Variants in ABCA7 observed in about 807,000 individuals in gnomAD.
ABCA7 encodes the protein phospholipid-transporting ATPase ABCA7.
A neutral mutation model predicts 227.6 loss-of-function variants in ABCA7; 261 were observed. That is an observed-to-expected ratio of 1.15 (90% CI 1.04 to 1.27). ABCA7 has a LOEUF of 1.27. Ranked by LOEUF, ABCA7 falls within the 50% of genes most tolerant of loss-of-function variation. The pLI is 0.00. For synonymous variants in ABCA7, 1,488 were observed against 1,279.7 expected, an observed-to-expected ratio of 1.16 and a Z score of -3.47; for missense variants, 3,331 against 2,924.5, an observed-to-expected ratio of 1.14 and a Z score of -3.21.
At chr19:1,065,209 C>T in intron 46 of ABCA7, 38 bp downstream of exon 46, 3 of 1,598,402 alleles carry the variant, frequency 1.9e-6, no homozygotes, top group Non-Finnish European at 2.6e-6. Context: ...GGGAGGCAGG[C>T]TGGGGGCCAG....
rs1484459227 is a variant in ABCA7 at position 1,042,743 on chromosome 19, C to T, written c.499-3C>T. 1.9e-6 allele frequency: 3 copies of T among 1,613,540 alleles called. No individual in the cohort carries two copies. The highest frequency in any genetic ancestry group is 2.5e-6 in the Non-Finnish European group (3 of 1,179,926). ...TTGTCCCCCTTGTGGTCTTTCTCCC[C>T]AGGAATCCCTGGGGTTGGCACTGGG... On this transcript the variant is annotated splice_region_variant and splice_polypyrimidine_tract_variant and intron_variant, in intron 6 of 46. Transcript: ENST00000263094.
At chr19:1,048,636 C>T (rs561445923) in intron 16 of ABCA7, among the ~76,000 whole-genome samples, 1 of 151,736 alleles carries the variant, frequency 6.6e-6, no homozygotes, top group South Asian at 2.1e-4. Flanking sequence ...GGTGAAACCC[C>T]GTCTCTCCCA....
rs200578438 is a variant in ABCA7, at chr19:1,041,964, C to T, written c.294C>T (p.Asn98=). ...GEEPGRLSNF[N]DSLVSRLLAD... is the part of the protein sequence containing the mutation. ...AGCCCGGGCGCCTGAGCAACTTCAACGACTCCCTGTGAGCCAGAGGCAGTG... is the reference window on the plus strand; with the variant it reads ...AGCCCGGGCGCCTGAGCAACTTCAATGACTCCCTGTGAGCCAGAGGCAGTG... The change falls in exon 4 of 47, where the codon AAC becomes AAT. Residue 98 remains asparagine (N), a synonymous_variant. Transcript: ENST00000263094. The T allele has an allele frequency of 6.3e-6, 10 of 1,585,128 alleles. No homozygotes were observed. The African/African-American group carries it at 6.8e-5, about 11-fold the overall frequency.
At position 1,046,299 on chromosome 19, in the gene ABCA7, C is replaced by G; in HGVS notation, c.1515C>G (p.Tyr505Ter). The stretch of plus-strand genomic sequence containing the variant: ...GCTACGTGTGGGGCGGCTTCGTGTA[C>G]CTGCAAGACCTGGTGGAGCGTGCAG... ...DLRYVWGGFV[Y>*]LQDLVERAAV... The change falls in exon 13 of 47, where the codon TAC becomes TAG. Residue 505 changes from tyrosine (Y) to a stop codon, truncating the protein, a stop_gained. Coordinates refer to ENST00000263094, the MANE Select transcript of ABCA7 (RefSeq NM_019112.4). LOFTEE classifies it high-confidence loss of function. 1 of 1,605,650 alleles carries G rather than the reference C, an allele frequency of 6.2e-7. No individual in the cohort carries two copies. The highest frequency in any genetic ancestry group is 1.1e-5 in the South Asian group (1 of 91,062).
intron 16 of ABCA7, 74 bp from the exon 17 acceptor site, chr19:1,048,821 A>C (rs1475387609): frequency 1.5e-5 from 13 of 854,540 alleles, no homozygotes; most frequent in Admixed American, 3.4e-5. Context: ...AAAAAAAAAA[A>C]AACAAAACCC....
In ABCA7 at chr19:1,052,029, GC is replaced by G. The variant is rs763278678; in HGVS notation, c.3051del (p.Cys1018AlafsTer18). Reference protein sequence around the residue: ...RVAVVAGGRLCCCGSPLFLRR... With the variant: ...RVAVVAGGRLXCCGSPLFLRR... ...GCCGTGGTGGCAGGTGGCCGCTTGT[GC>G]TGCTGTGGCTCCCCACTCTTCCTGC... On this transcript the variant is annotated frameshift_variant, in exon 22 of 47. Transcript: ENST00000263094. LOFTEE classifies it high-confidence loss of function. The G allele has an allele frequency of 6.2e-7, 1 of 1,612,262 alleles. No homozygotes were observed. Among genetic ancestry groups the G allele is most frequent in the South Asian group, 1.1e-5 (1 of 91,074 alleles).
intron 44 of ABCA7, 27 bp from the exon 45 acceptor site, chr19:1,064,134 G>A (rs1472084791): frequency 1.3e-6 from 2 of 1,533,026 alleles, no homozygotes; most frequent in South Asian, 1.2e-5. Context: ...CCGGCCTCAC[G>A]GAGCTCGTGG....
chr19:1,047,953 C>T (rs1279781633), intron 16 of ABCA7, among the ~76,000 whole-genome samples: 2 of 152,136 alleles, frequency 1.3e-5, no homozygotes, highest in Non-Finnish European at 2.9e-5. Context: ...CTTTGGGAGG[C>T]CAAGGCAGGA....
In ABCA7 at chr19:1,055,149, A is replaced by C. The variant is rs1192535001; in HGVS notation, c.4003A>C (p.Asn1335His). 6.2e-7 allele frequency: 1 copy of C among 1,612,962 alleles called. No individual in the cohort carries two copies. Among genetic ancestry groups the C allele is most frequent in the East Asian group, 2.2e-5 (1 of 44,876 alleles). Residue 1335 changes from asparagine (N) to histidine (H), a missense_variant, in exon 30 of 47, where the codon AAC (asparagine) becomes CAC (histidine). By Grantham distance (68) the Asn-to-His change is moderately conservative. Coordinates refer to ENST00000263094, the MANE Select transcript of ABCA7 (RefSeq NM_019112.4). ...AEVAKVLASGNWTPESPSPAC... is the reference protein window; with the variant it reads ...AEVAKVLASGHWTPESPSPAC... ...AGTGGCCAAGGTCTTGGCCAGTGGC[A>C]ACTGGACCCCAGAGTCTCCATCCCC...
intron 21 of ABCA7, among the ~76,000 whole-genome samples, 158 bp from the exon 22 acceptor site, chr19:1,051,784 G>A (rs961593967): frequency 8.5e-5 from 13 of 152,154 alleles, no homozygotes; most frequent in Admixed American, 5.2e-4. Context: ...TCTGCCTGAA[G>A]GGCCAGAAAA....
At position 1,048,928 on chromosome 19, in the gene ABCA7, C is replaced by A. The variant is rs199819322; in HGVS notation, c.2303C>A (p.Pro768His). Residue 768 changes from proline to histidine, a missense_variant, in exon 17 of 47, where the codon CCT (proline) becomes CAT (histidine). Pro to His is a moderately conservative substitution (Grantham distance 77, BLOSUM62 -2). Transcript: ENST00000263094. ...GGGATCCCTGAACCATGGAATTTTC[C>A]TTTTCGGAGGAGCTACTGGTGCGGA... ...QYGIPEPWNF[P>H]FRRSYWCGPR... 6.2e-7 allele frequency: 1 copy of A among 1,609,564 alleles called. No homozygotes were observed. Among genetic ancestry groups the A allele is most frequent in the African/African-American group, 1.3e-5 (1 of 74,822 alleles).
At position 1,056,097 on chromosome 19, in the gene ABCA7, C is replaced by T. The variant is rs978593213; in HGVS notation, c.4270C>T (p.Pro1424Ser). ...AGGCTTCTCGCTGGGGGGCCGAGAC[C>T]CAGGCCTGCCCTCGGGCCAAGAGTT... ...YGGFSLGGRDPGLPSGQELGR... is the reference protein window; with the variant it reads ...YGGFSLGGRDSGLPSGQELGR... The change falls in exon 32 of 47, where the codon CCA becomes TCA. Residue 1424 changes from proline (P) to serine (S), a missense_variant. Pro to Ser is a moderately conservative substitution (Grantham distance 74, BLOSUM62 -1). Coordinates refer to ENST00000263094, the MANE Select transcript of ABCA7 (RefSeq NM_019112.4). The surrounding 1 kb of genome is among the most constrained non-coding windows in gnomAD (Gnocchi z 4.3). The T allele has an allele frequency of 1.9e-6, 3 of 1,603,502 alleles. No homozygotes were observed. Among genetic ancestry groups the T allele is most frequent in the Non-Finnish European group, 2.6e-6 (3 of 1,174,474 alleles).
intron 12 of ABCA7, 30 bp downstream of exon 12, chr19:1,045,261 G>C: frequency 6.6e-7 from 1 of 1,514,652 alleles, no homozygotes; most frequent in East Asian, 2.3e-5. Context: ...GGGGGGATGA[G>C]GGACTGGGCG....
At chr19:1,051,374 T>C in intron 20 of ABCA7, 75 bp from the exon 21 acceptor site, 9 of 713,114 alleles carry the variant, frequency 1.3e-5, no homozygotes, top group East Asian at 2.8e-5. Context: ...AGCCGGGTAC[T>C]GAGGTCCACG....
chr19:1,053,231 C>T, intron 23 of ABCA7, 98 bp from the exon 24 acceptor site: 9 of 1,289,842 alleles, frequency 7.0e-6, no homozygotes, highest in Admixed American at 2.1e-5. Context: ...CTCTGTCTGC[C>T]GGGACAGTCC....
chr19:1,046,168 A>C, intron 12 of ABCA7, 62 bp from the exon 13 acceptor site: 2 of 1,569,846 alleles, frequency 1.3e-6, no homozygotes, highest in Non-Finnish European at 1.7e-6. Flanking sequence ...AAGGTTATTC[A>C]GGGTGGGGCC....
At chr19:1,048,839 AG>A in intron 16 of ABCA7, 55 bp from the exon 17 acceptor site, 4 of 1,022,966 alleles carry the variant, frequency 3.9e-6, no homozygotes, top group East Asian at 2.9e-5. Context: ...CCCCAAAAAA[AG>A]CCTGGTACAC....
Position 1,046,394 on chromosome 19 carries a change from A to G in ABCA7, c.1610A>G (p.Tyr537Cys). ...LYLQQMPYPC[Y>C]VDDVFLRVLS... ...CTGCAGCAGATGCCCTATCCGTGCT[A>G]TGTGGACGACGTGTGAGCTCTGGCA... The change falls in exon 13 of 47, where the codon TAT (tyrosine) becomes TGT (cysteine). Residue 537 changes from tyrosine (Y) to cysteine (C), a missense_variant. By Grantham distance (194) the Tyr-to-Cys change is radical. Coordinates refer to ENST00000263094, the MANE Select transcript of ABCA7 (RefSeq NM_019112.4). The G allele has an allele frequency of 2.6e-6, 4 of 1,562,970 alleles. No homozygotes were observed. Among genetic ancestry groups the G allele is most frequent in the Non-Finnish European group, 3.5e-6 (4 of 1,157,028 alleles).
chr19:1,057,683 C>T (rs1464562986), intron 35 of ABCA7, among the ~76,000 whole-genome samples: 2 of 151,416 alleles, frequency 1.3e-5, no homozygotes, highest in East Asian at 3.9e-4. Context: ...GGCAGGAGGA[C>T]TGCTTGTGGC....
Sources: allele counts gnomAD v4.1 joint callset (sites outside exome capture counted in the v4.1 genomes callset), GRCh38; gene constraint gnomAD v4.1.1; non-coding constraint Gnocchi (gnomAD v3.1); transcripts MANE v1.5; gene names NCBI Gene and HGNC (gene_info 2026-07-23, HGNC 2026-07-21).